STK32B: variants seen among roughly 807,000 people sequenced by gnomAD.
The protein encoded by STK32B is serine/threonine-protein kinase 32B.
Under a neutral mutation model 52.6 loss-of-function variants are expected in STK32B, and 43 were observed. The ratio of observed to expected loss-of-function variants is 0.82; its 90% CI spans 0.64 to 1.05. The LOEUF (loss-of-function observed/expected upper bound fraction) is 1.05, where lower values mean the gene tolerates loss of function less well. STK32B is among the 50% of genes least tolerant of loss of function. The pLI is 0.00. For synonymous variants in STK32B, 238 were observed against 204.3 expected, an observed-to-expected ratio of 1.17 and a Z score of -1.41; for missense variants, 621 against 534.6, an observed-to-expected ratio of 1.16 and a Z score of -1.59.
intron 3 of STK32B, among the ~76,000 whole-genome samples, chr4:5,178,145 C>T (rs2108749869): frequency 6.6e-6 from 1 of 152,344 alleles, no homozygotes; most frequent in Non-Finnish European, 1.5e-5. Flanking sequence ...CAGACTTCTG[C>T]TTGGAGATCC....
At chr4:5,052,080 G>A (rs1479374894) in intron 1 of STK32B, among the ~76,000 whole-genome samples, 165 bp downstream of exon 1, 1 of 152,244 alleles carries the variant, frequency 6.6e-6, no homozygotes, top group African/African-American at 2.4e-5. Flanking sequence ...CAGGCGCGGC[G>A]CTTCTGCTGA....
At chr4:5,435,754 C>G (rs1289038145) in intron 6 of STK32B, 1 of 152,134 alleles carries the variant, frequency 6.6e-6, no homozygotes, top group Admixed American at 6.5e-5. Context: ...CCTCAAGGAG[C>G]TTGGAGTCAA....
chr4:5,174,344 A>G (rs1464835154), intron 3 of STK32B, among the ~76,000 whole-genome samples: 1 of 152,068 alleles, frequency 6.6e-6, no homozygotes, highest in Non-Finnish European at 1.5e-5. Context: ...TCCTGTCATT[A>G]TGATGTTAGC....
At chr4:5,054,140 C>T (rs770429171) in intron 1 of STK32B, among the ~76,000 whole-genome samples, 2 of 152,124 alleles carry the variant, frequency 1.3e-5, no homozygotes, top group South Asian at 2.1e-4. Flanking sequence ...TGCCACCAAC[C>T]GACTCATTTA....
chr4:5,257,857 A>G (rs1174642592), intron 3 of STK32B, among the ~76,000 whole-genome samples: 2 of 152,182 alleles, frequency 1.3e-5, no homozygotes, highest in African/African-American at 4.8e-5. Context: ...GTAGGAGAAT[A>G]GTTTGAGCCT....
At chr4:5,300,775 A>G (rs1484288196) in intron 3 of STK32B, among the ~76,000 whole-genome samples, 1 of 152,202 alleles carries the variant, frequency 6.6e-6, no homozygotes, top group East Asian at 1.9e-4. Context: ...AATATTGCTG[A>G]AAGAAATCAT....
chr4:5,318,600 G>T (rs1454500640), intron 3 of STK32B, among the ~76,000 whole-genome samples: 1 of 152,054 alleles, frequency 6.6e-6, no homozygotes, highest in Non-Finnish European at 1.5e-5. Flanking sequence ...GATTTAAATG[G>T]TGAATCAGCT....
intron 11 of STK32B, among the ~76,000 whole-genome samples, chr4:5,492,549 T>A (rs559466900): frequency 3.3e-5 from 5 of 151,752 alleles, no homozygotes; most frequent in African/African-American, 1.2e-4. Context: ...CCTCTTTTCC[T>A]AATTGAATAC....
chr4:5,493,226 G>A (rs889859874), intron 11 of STK32B, among the ~76,000 whole-genome samples: 3 of 152,004 alleles, frequency 2.0e-5, no homozygotes, highest in African/African-American at 7.3e-5. Context: ...TTTTTTCTTG[G>A]TAAGCTATTG....
Position 5,375,781 on chromosome 4 carries a change from G to T in STK32B, c.435-22426G>T, listed in dbSNP as rs115771435. Among the ~76,000 whole-genome samples the T allele has an allele frequency of 3.8e-3, 571 of 152,256 alleles. 4 individuals carry two copies. Among genetic ancestry groups the T allele is most frequent in the African/African-American group, 0.013 (554 of 41,542 alleles). On this transcript the variant is annotated intron_variant, in intron 4 of 11. Coordinates refer to ENST00000282908, the MANE Select transcript of STK32B (RefSeq NM_018401.3). ...GTTCCTCAGTATTAAGAATGAGACG[G>T]TAGAAAGTTGATGGGTCAGTCTGGG...
intron 2 of STK32B, among the ~76,000 whole-genome samples, chr4:5,152,660 C>T (rs1207095591): frequency 6.6e-6 from 1 of 152,254 alleles, no homozygotes; most frequent in East Asian, 1.9e-4. Context: ...ACGCAGTTCT[C>T]ATTCGGTGAC....
chr4:5,085,719 C>G (rs1453884368), intron 1 of STK32B, among the ~76,000 whole-genome samples: 1 of 152,192 alleles, frequency 6.6e-6, no homozygotes, highest in African/African-American at 2.4e-5. Context: ...TAACCAAAGG[C>G]TTAGACAACC....
chr4:5,095,072 G>T (rs1183504291), intron 1 of STK32B, among the ~76,000 whole-genome samples: 1 of 152,196 alleles, frequency 6.6e-6, no homozygotes, highest in Non-Finnish European at 1.5e-5. Context: ...GAGACCAGGT[G>T]CTCCTGTAGG....
intron 3 of STK32B, among the ~76,000 whole-genome samples, chr4:5,198,105 A>G (rs1265659701): frequency 1.3e-5 from 2 of 152,196 alleles, no homozygotes; most frequent in African/African-American, 2.4e-5. Flanking sequence ...TCAGAGTAGG[A>G]ACTTCACAAA....
intron 1 of STK32B, among the ~76,000 whole-genome samples, chr4:5,100,490 C>T (rs1713673275): frequency 7.6e-6 from 1 of 131,938 alleles, no homozygotes; most frequent in South Asian, 2.7e-4. Context: ...TCCTTCCTTG[C>T]CTGCTCTTTT....
intron 7 of STK32B, among the ~76,000 whole-genome samples, chr4:5,449,994 C>T (rs1715841417): frequency 6.6e-6 from 1 of 152,086 alleles, no homozygotes; most frequent in Admixed American, 6.6e-5. Flanking sequence ...GCACTTGGAT[C>T]ACCCTGAAAC....
chr4:5,484,396 G>C (rs1718974542), intron 11 of STK32B, among the ~76,000 whole-genome samples: 1 of 152,092 alleles, frequency 6.6e-6, no homozygotes, highest in African/African-American at 2.4e-5. Flanking sequence ...TTTTATCAGA[G>C]ACTAGGATTG....
intron 1 of STK32B, among the ~76,000 whole-genome samples, chr4:5,083,666 C>T (rs1255831337): frequency 6.6e-6 from 1 of 151,960 alleles, no homozygotes; most frequent in African/African-American, 2.4e-5. Flanking sequence ...GTTTATTCAT[C>T]TGTGTTTAAA....
intron 4 of STK32B, among the ~76,000 whole-genome samples, chr4:5,383,470 C>G (rs1736056466): frequency 6.6e-6 from 1 of 152,194 alleles, no homozygotes; most frequent in South Asian, 2.1e-4. Context: ...CAAAATCCTC[C>G]CCTGAACGAG....
Sources: gnomAD v4.1 joint callset for allele counts (sites outside exome capture counted in the v4.1 genomes callset) on GRCh38, gnomAD v4.1.1 for gene constraint, MANE v1.5 for transcripts, NCBI Gene and HGNC (gene_info 2026-07-23, HGNC 2026-07-21) for gene names.